Variants in CAMTA1 observed in about 807,000 individuals in gnomAD.
CAMTA1 encodes the protein calmodulin binding transcription activator 1.
In CAMTA1, 27 loss-of-function variants were observed where a neutral mutation model predicts 170.9. The observed-to-expected ratio is 0.16, with a 90% CI of 0.12 to 0.22. The LOEUF is 0.22. Ranked by LOEUF, CAMTA1 falls within the 10% of genes least tolerant of loss-of-function variation. The pLI is 1.00. For synonymous variants in CAMTA1, 833 were observed against 891.5 expected, an observed-to-expected ratio of 0.93 and a Z score of 1.17; for missense variants, 1,619 against 2,217.2, an observed-to-expected ratio of 0.73 and a Z score of 5.42.
chr1:7,087,501 C>T (rs755060865), intron 3 of CAMTA1, among the ~76,000 whole-genome samples: 8 of 152,160 alleles, frequency 5.3e-5, no homozygotes, highest in Non-Finnish European at 1.0e-4. Context: ...AGGGAGCTGT[C>T]AGCCTGGGCT....
intron 3 of CAMTA1, among the ~76,000 whole-genome samples, chr1:6,882,645 A>G (rs916894196): frequency 1.3e-5 from 2 of 152,108 alleles, no homozygotes; most frequent in Admixed American, 1.3e-4. Flanking sequence ...GATCAGGTGG[A>G]GATGTTCAAT....
intron 4 of CAMTA1, among the ~76,000 whole-genome samples, chr1:7,182,020 T>A (rs1652273812): frequency 6.8e-6 from 1 of 146,136 alleles, no homozygotes; most frequent in Admixed American, 6.6e-5. Context: ...AAAATAGCAG[T>A]AGAATTGAAT....
Position 6,887,724 on chromosome 1 carries a change from GAC to G in CAMTA1, c.234+62518_234+62519del. On this transcript the variant is annotated intron_variant, in intron 3 of 22. Transcript: ENST00000303635. This position sits in a 1 kb window ranked among gnomAD's most constrained non-coding sequence, Gnocchi z 4.1. ...CCACAGAGCTGGAGCCATGAGGGCT[GAC>G]ACATTGGAATGAAAGCTGGCAGAAT... is the stretch of plus-strand genomic sequence containing the variant. 6.5e-7 allele frequency: 1 copy of G among 1,535,238 alleles called. No homozygotes were observed. Among genetic ancestry groups the G allele is most frequent in the Non-Finnish European group, 8.7e-7 (1 of 1,146,596 alleles).
Position 7,144,144 on chromosome 1 carries a change from C to T in CAMTA1, c.302+52773C>T, listed in dbSNP as rs1010159593. On this transcript the variant is annotated intron_variant, in intron 4 of 22. Transcript: ENST00000303635. This position sits in a 1 kb window ranked among gnomAD's most constrained non-coding sequence, Gnocchi z 4.0. ...GTTCTGGAGGCTGGAAGTCTGAGAT[C>T]AGGGTGCCAGCATGGCCAGGTTCTG... is the stretch of plus-strand genomic sequence containing the variant. 2.0e-5 allele frequency among the ~76,000 whole-genome samples: 3 copies of T among 152,184 alleles called. No individual in the cohort carries two copies. The highest frequency in any genetic ancestry group is 4.4e-5 in the Non-Finnish European group (3 of 68,038).
intron 5 of CAMTA1, among the ~76,000 whole-genome samples, chr1:7,428,023 AAGCAGGC>A (rs1447091794): frequency 6.6e-6 from 1 of 152,186 alleles, no homozygotes; most frequent in Non-Finnish European, 1.5e-5. Flanking sequence ...GGGAAGCAGG[AAGCAGGC>A]AGCACTGGAG....
Position 6,820,242 on chromosome 1 carries a change from C to T in CAMTA1, c.107C>T (p.Pro36Leu). 1 of 1,613,998 alleles carries T rather than the reference C, an allele frequency of 6.2e-7. No homozygotes were observed. Among genetic ancestry groups the T allele is most frequent in the Non-Finnish European group, 8.5e-7 (1 of 1,179,894 alleles). Residue 36 changes from proline to leucine, a missense_variant, in exon 2 of 23, where the codon CCT becomes CTT. Pro to Leu is a moderately conservative substitution (Grantham distance 98). Coordinates refer to ENST00000303635, the MANE Select transcript of CAMTA1 (RefSeq NM_015215.4). ...TACTGTGTTCTCAACACCGTGCCAC[C>T]TATAGAAGGTAGGATTTGAAAAAGC... ...STYCVLNTVP[P>L]IEDDHGNSNS...
chr1:7,124,970 A>T (rs1644850721), intron 4 of CAMTA1, among the ~76,000 whole-genome samples: 1 of 151,882 alleles, frequency 6.6e-6, no homozygotes, highest in Non-Finnish European at 1.5e-5. Flanking sequence ...CCTTAAATCC[A>T]CTCTAAGTGC....
chr1:7,117,719 G>T (rs945483065), intron 4 of CAMTA1, among the ~76,000 whole-genome samples: 3 of 152,102 alleles, frequency 2.0e-5, no homozygotes, highest in African/African-American at 7.2e-5. Context: ...ACCAGTTAAG[G>T]GAGTGTCTAA....
intron 3 of CAMTA1, among the ~76,000 whole-genome samples, chr1:6,940,298 A>G (rs1319795326): frequency 6.6e-6 from 1 of 152,222 alleles, no homozygotes; most frequent in East Asian, 1.9e-4. Context: ...TCACAGGAAC[A>G]CCACTGGTGT....
intron 5 of CAMTA1, among the ~76,000 whole-genome samples, chr1:7,290,703 T>G (rs1452348532): frequency 3.3e-5 from 5 of 152,194 alleles, no homozygotes; most frequent in African/African-American, 9.7e-5. Context: ...CTCATTTTAT[T>G]ATTATTACCA....
chr1:7,361,307 T>G (rs1431591471), intron 5 of CAMTA1, among the ~76,000 whole-genome samples: 5 of 152,220 alleles, frequency 3.3e-5, no homozygotes, highest in Admixed American at 2.6e-4. Flanking sequence ...TGTCATCAAT[T>G]CTGGTCAATG....
intron 7 of CAMTA1, among the ~76,000 whole-genome samples, chr1:7,655,295 CCTAT>C (rs1558065334): frequency 6.8e-6 from 1 of 146,022 alleles, no homozygotes; most frequent in African/African-American, 2.6e-5. Context: ...CACACACACA[CCTAT>C]ACACACACAC....
chr1:7,496,560 G>A (rs1009826424), intron 6 of CAMTA1, among the ~76,000 whole-genome samples: 22 of 152,296 alleles, frequency 1.4e-4, no homozygotes, highest in East Asian at 7.7e-4. Context: ...TGGCTGCAAC[G>A]CCTCAGATGC....
intron 1 of CAMTA1, chr1:6,807,018 G>A (rs1644594044): frequency 3.0e-6 from 2 of 669,360 alleles, no homozygotes; most frequent in Admixed American, 4.2e-5. Flanking sequence ...CTGTCCTTAT[G>A]GAGCTAAGGG....
chr1:7,493,863 C>T (rs1213393786), intron 6 of CAMTA1, among the ~76,000 whole-genome samples: 1 of 152,092 alleles, frequency 6.6e-6, no homozygotes, highest in African/African-American at 2.4e-5. Flanking sequence ...TGGCACCTGT[C>T]GGGGGCGGGA....
chr1:7,748,563 C>A lies in CAMTA1; in HGVS notation c.4689+782C>A, dbSNP rs1217876682. ...GTGGTCCAATACTTTGATAAACTCC[C>A]TAGTAATTAGAGAACTGTAGGGAAT... On this transcript the variant is annotated intron_variant, in intron 19 of 22. Transcript: ENST00000303635. The surrounding 1 kb of genome is among the most constrained non-coding windows in gnomAD (Gnocchi z 4.7). Among the ~76,000 whole-genome samples, 1 of 152,166 alleles carries A rather than the reference C, an allele frequency of 6.6e-6. No individual in the cohort carries two copies. The highest frequency in any genetic ancestry group is 6.5e-5 in the Admixed American group (1 of 15,274).
At chr1:7,705,220 G>A (rs1363576300) in intron 11 of CAMTA1, among the ~76,000 whole-genome samples, 1 of 151,362 alleles carries the variant, frequency 6.6e-6, no homozygotes, top group Non-Finnish European at 1.5e-5. Flanking sequence ...GTGAGTGTGA[G>A]GAGCAAGGGT....
chr1:6,836,503 C>T (rs886669417), intron 3 of CAMTA1, among the ~76,000 whole-genome samples: 3 of 152,112 alleles, frequency 2.0e-5, no homozygotes, highest in Non-Finnish European at 4.4e-5. Context: ...CTGGAATTTA[C>T]ATTTGGGGAG....
rs570583930 is a variant in CAMTA1 at position 7,195,706 on chromosome 1, G to A, written c.303-53785G>A. The stretch of plus-strand genomic sequence containing the variant: ...TAGCCAGCCATTGCTCACAGCAGAA[G>A]GATAAAGGGGTTCGATTAAGAGAGC... On this transcript the variant is annotated intron_variant, in intron 4 of 22. Coordinates refer to ENST00000303635, the MANE Select transcript of CAMTA1 (RefSeq NM_015215.4). This position sits in a 1 kb window ranked among gnomAD's most constrained non-coding sequence, Gnocchi z 4.1. Among the ~76,000 whole-genome samples the A allele has an allele frequency of 1.4e-4, 21 of 152,204 alleles. No homozygotes were observed. The highest frequency in any genetic ancestry group is 2.8e-4 in the Non-Finnish European group (19 of 68,032).
Sources: allele counts gnomAD v4.1 joint callset (sites outside exome capture counted in the v4.1 genomes callset), GRCh38; gene constraint gnomAD v4.1.1; non-coding constraint Gnocchi (gnomAD v3.1); transcripts MANE v1.5; gene names NCBI Gene and HGNC (gene_info 2026-07-23, HGNC 2026-07-21).